Variants in TBC1D1 observed in about 807,000 individuals in gnomAD.
The protein encoded by TBC1D1 is TBC1 domain family member 1, also known as TBC1 (tre-2/USP6, BUB2, cdc16) domain family, member 1.
In TBC1D1, 89 loss-of-function variants were observed where a neutral mutation model predicts 125.6. The ratio of observed to expected loss-of-function variants is 0.71; its 90% CI spans 0.60 to 0.85. The LOEUF is 0.85. TBC1D1 is among the 40% of genes least tolerant of loss of function. The pLI, the probability that TBC1D1 is intolerant of heterozygous loss-of-function variation, is 0.00. For synonymous variants in TBC1D1, 565 were observed against 564.1 expected, an observed-to-expected ratio of 1.00 and a Z score of -0.02; for missense variants, 1,377 against 1,469.2, an observed-to-expected ratio of 0.94 and a Z score of 1.03.
At chr4:38,060,165 G>A (rs147002855) in intron 12 of TBC1D1, among the ~76,000 whole-genome samples, 18 of 152,260 alleles carry the variant, frequency 1.2e-4, no homozygotes, top group African/African-American at 3.1e-4. Flanking sequence ...TTGCTATTGT[G>A]AATAGTGCTG....
chr4:37,922,366 A>G (rs564437157), intron 2 of TBC1D1, among the ~76,000 whole-genome samples: 57 of 152,298 alleles, frequency 3.7e-4, no homozygotes, highest in Middle Eastern at 6.8e-3. Context: ...TTCTGGCTTT[A>G]GAAGCTAACC....
chr4:38,036,617 G>A (rs1298866482), intron 8 of TBC1D1, among the ~76,000 whole-genome samples: 1 of 152,132 alleles, frequency 6.6e-6, no homozygotes, highest in Non-Finnish European at 1.5e-5. Context: ...CCTAAACCAA[G>A]TGTGCAGTTT....
intron 13 of TBC1D1, among the ~76,000 whole-genome samples, chr4:38,091,811 C>T (rs74720142): frequency 6.0e-4 from 92 of 152,372 alleles, no homozygotes; most frequent in African/African-American, 2.2e-3. Flanking sequence ...CCTGGAACCC[C>T]TTGCCAGGTG....
chr4:37,985,801 G>C (rs952078992), intron 2 of TBC1D1, among the ~76,000 whole-genome samples: 2 of 152,194 alleles, frequency 1.3e-5, no homozygotes, highest in East Asian at 3.8e-4. Flanking sequence ...AGGGAGACCT[G>C]TGGAGATAAT....
intron 2 of TBC1D1, among the ~76,000 whole-genome samples, chr4:37,958,317 G>A (rs1408343701): frequency 1.3e-5 from 2 of 152,260 alleles, no homozygotes; most frequent in East Asian, 1.9e-4. Flanking sequence ...TCCTTAGCTT[G>A]GCAATCAAGA....
At chr4:37,909,824 G>C (rs911415768) in intron 2 of TBC1D1, among the ~76,000 whole-genome samples, 4 of 152,084 alleles carry the variant, frequency 2.6e-5, no homozygotes, top group Non-Finnish European at 5.9e-5. Flanking sequence ...ATTTTCATTT[G>C]GGGTCCCATG....
chr4:37,899,066 A>G (rs1198190316), intron 1 of TBC1D1, among the ~76,000 whole-genome samples: 1 of 152,188 alleles, frequency 6.6e-6, no homozygotes, highest in East Asian at 1.9e-4. Context: ...GTGTGATATG[A>G]TAAATTTTGT....
intron 15 of TBC1D1, among the ~76,000 whole-genome samples, chr4:38,108,970 C>T (rs997072198): frequency 5.3e-5 from 8 of 152,170 alleles, no homozygotes; most frequent in East Asian, 1.9e-4. Flanking sequence ...CTGCCTCGCT[C>T]GGCCAGGACA....
At chr4:37,962,882 T>G (rs893089609) in intron 2 of TBC1D1, among the ~76,000 whole-genome samples, 2 of 152,250 alleles carry the variant, frequency 1.3e-5, no homozygotes, top group Non-Finnish European at 2.9e-5. Context: ...AATGATCAGC[T>G]GGCCTTTGAT....
intron 1 of TBC1D1, among the ~76,000 whole-genome samples, chr4:37,897,668 G>C (rs183298886): frequency 9.7e-4 from 147 of 152,260 alleles, no homozygotes; most frequent in African/African-American, 3.2e-3. Flanking sequence ...TATGCTTGTT[G>C]CCACTATATT....
At chr4:38,012,597 AG>A (rs1359903467) in intron 2 of TBC1D1, among the ~76,000 whole-genome samples, 1 of 151,978 alleles carries the variant, frequency 6.6e-6, no homozygotes, top group African/African-American at 2.4e-5. Context: ...AGTTTTTACC[AG>A]GCTTCTGTTG....
chr4:38,033,009 C>G (rs1359106578), intron 7 of TBC1D1, among the ~76,000 whole-genome samples: 1 of 152,120 alleles, frequency 6.6e-6, no homozygotes, highest in Non-Finnish European at 1.5e-5. Context: ...GTTTATTTCT[C>G]TGCTTTAGTG....
intron 2 of TBC1D1, among the ~76,000 whole-genome samples, chr4:37,962,099 T>C (rs1730173579): frequency 1.3e-5 from 2 of 152,244 alleles, no homozygotes; most frequent in South Asian, 4.1e-4. Context: ...ATCTCTGTTT[T>C]GTTCACTATG....
intron 14 of TBC1D1, among the ~76,000 whole-genome samples, chr4:38,099,199 AT>A (rs1253549876): frequency 6.6e-6 from 1 of 152,208 alleles, no homozygotes; most frequent in Non-Finnish European, 1.5e-5. Flanking sequence ...TTATTGTGAC[AT>A]TGTTTAATAG....
intron 15 of TBC1D1, among the ~76,000 whole-genome samples, chr4:38,106,932 C>T (rs1761405222): frequency 6.6e-6 from 1 of 152,098 alleles, no homozygotes; most frequent in Non-Finnish European, 1.5e-5. Context: ...GGGCTGGCTG[C>T]ATTCAAGTCC....
Position 37,994,165 on chromosome 4 carries a change from A to G in TBC1D1, c.418-20344A>G, listed in dbSNP as rs61569861. Among the ~76,000 whole-genome samples, 502 of 152,354 alleles carry G rather than the reference A, an allele frequency of 3.3e-3. 1 individual carries two copies. The highest frequency in any genetic ancestry group is 0.011 in the African/African-American group (477 of 41,580). On this transcript the variant is annotated intron_variant, in intron 2 of 19. Coordinates refer to ENST00000261439, the MANE Select transcript of TBC1D1 (RefSeq NM_015173.4). The stretch of plus-strand genomic sequence containing the variant: ...TTATTAAATAAAGCCCTAAAGCCCT[A>G]GACTGTGGTGCTCGAAACTTTTTAA...
intron 1 of TBC1D1, among the ~76,000 whole-genome samples, chr4:37,895,636 G>T (rs571028109): frequency 2.0e-5 from 3 of 152,112 alleles, no homozygotes; most frequent in Non-Finnish European, 4.4e-5. Flanking sequence ...CCCAGGGGGC[G>T]GAGGATGCAG....
chr4:37,977,615 G>A lies in TBC1D1; in HGVS notation c.418-36894G>A. On this transcript the variant is annotated intron_variant, in intron 2 of 19. Coordinates refer to ENST00000261439, the MANE Select transcript of TBC1D1 (RefSeq NM_015173.4). This position sits in a 1 kb window ranked among gnomAD's most constrained non-coding sequence, Gnocchi z 4.3. The stretch of plus-strand genomic sequence containing the variant: ...ATTTGTAACCTTCGGGCCGGGGCTG[G>A]GCCGGGCCGCTGGAGGCCAGGCGCG... 2.6e-6 allele frequency: 1 copy of A among 377,796 alleles called. No individual in the cohort carries two copies. The highest frequency in any genetic ancestry group is 3.7e-6 in the Non-Finnish European group (1 of 268,810). 23.4% of individuals were successfully genotyped at this position (377,796 alleles called of 1,614,324 possible).
chr4:37,920,927 G>C (rs1475143582), intron 2 of TBC1D1, among the ~76,000 whole-genome samples: 1 of 151,958 alleles, frequency 6.6e-6, no homozygotes, highest in Non-Finnish European at 1.5e-5. Context: ...TGGCTAACAC[G>C]GTGAAACCCT....
Sources: allele counts gnomAD v4.1 joint callset (sites outside exome capture counted in the v4.1 genomes callset), GRCh38; gene constraint gnomAD v4.1.1; non-coding constraint Gnocchi (gnomAD v3.1); transcripts MANE v1.5; gene names NCBI Gene and HGNC (gene_info 2026-07-23, HGNC 2026-07-21).